Variants in SUMF1 observed in about 807,000 individuals in gnomAD.
The protein encoded by SUMF1 is sulfatase modifying factor 1.
In SUMF1, 48 loss-of-function variants were observed where a neutral mutation model predicts 47.6. The ratio of observed to expected loss-of-function variants is 1.01; its 90% confidence interval spans 0.80 to 1.28. The LOEUF is 1.28. Among genes scored for constraint, SUMF1 ranks in the 50% most tolerant of loss-of-function variants. SUMF1 has a pLI of 0.00. For missense variants in SUMF1, 571 were observed against 485.4 expected, an observed-to-expected ratio of 1.18 and a Z score of -1.66; for synonymous variants, 230 against 192.1, an observed-to-expected ratio of 1.20 and a Z score of -1.63.
At chr3:4,224,689 T>C (rs1205094426) in intron 8 of SUMF1, among the ~76,000 whole-genome samples, 1 of 151,572 alleles carries the variant, frequency 6.6e-6, no homozygotes, top group African/African-American at 2.4e-5. Context: ...CAAGACCACA[T>C]GGGGCCAATC....
intron 8 of SUMF1, among the ~76,000 whole-genome samples, chr3:4,355,211 C>T (rs1047996848): frequency 6.6e-6 from 1 of 152,126 alleles, no homozygotes; most frequent in Non-Finnish European, 1.5e-5. Flanking sequence ...AAAAAACTAG[C>T]TGGGCATGGT....
chr3:4,399,392 C>G (rs1164347648), intron 7 of SUMF1, among the ~76,000 whole-genome samples: 1 of 152,132 alleles, frequency 6.6e-6, no homozygotes, highest in Admixed American at 6.5e-5. Context: ...TCTTCCCCCC[C>G]AAACCATTTG....
At chr3:4,329,310 A>T (rs1699004185) in intron 8 of SUMF1, among the ~76,000 whole-genome samples, 1 of 152,192 alleles carries the variant, frequency 6.6e-6, no homozygotes, top group Non-Finnish European at 1.5e-5. Context: ...GCCTTATCAG[A>T]GGTTCTCCAT....
chr3:4,397,641 C>G (rs1310904207), intron 7 of SUMF1, among the ~76,000 whole-genome samples: 1 of 152,010 alleles, frequency 6.6e-6, no homozygotes, highest in Non-Finnish European at 1.5e-5. Context: ...TGCTAAGTGC[C>G]CAATTCTGTA....
intron 7 of SUMF1, among the ~76,000 whole-genome samples, chr3:4,402,758 G>A (rs187916012): frequency 1.1e-3 from 175 of 152,298 alleles, no homozygotes; most frequent in Non-Finnish European, 1.9e-3. Context: ...ATGGAGAGTT[G>A]AGATAGGCAT....
intron 8 of SUMF1, among the ~76,000 whole-genome samples, chr3:4,339,681 C>T (rs1284863222): frequency 6.6e-6 from 1 of 152,208 alleles, no homozygotes; most frequent in Non-Finnish European, 1.5e-5. Context: ...TAGATGAATA[C>T]ATCTTTCAGT....
rs564690027 is a variant in SUMF1 at position 4,437,803 on chromosome 3, G to C, written c.519+11463C>G. Among the ~76,000 whole-genome samples, 153 of 152,086 alleles carry C rather than the reference G, an allele frequency of 1.0e-3. 1 individual carries two copies. Among genetic ancestry groups the C allele is most frequent in the Non-Finnish European group, 2.0e-3 (135 of 68,016 alleles). ...AAAATACAAAAATTAGCTGGGCGTG[G>C]TGGTGCACTCCTGTAATTCTAGCTA... On this transcript the variant is annotated intron_variant, in intron 3 of 8. Transcript: ENST00000272902.
chr3:4,361,628 C>G lies in SUMF1; in HGVS notation c.*516G>C, dbSNP rs1699760092. 5.9e-6 allele frequency: 1 copy of G among 168,158 alleles called. No homozygotes were observed. The highest frequency in any genetic ancestry group is 1.3e-5 in the Non-Finnish European group (1 of 76,488). The allele number at this position is 168,158 out of a possible 1,614,324, so 10.4% of individuals were successfully genotyped here. A position where few individuals can be genotyped will look rare whatever the true frequency, so the allele number is the denominator to read the frequency against. On this transcript the variant is annotated 3_prime_UTR_variant, in exon 9 of 9. Transcript: ENST00000272902. ...AACTCTTACTTTACATGATTAGTATCACTCAAGGTTCACACATGGAAAAAA... is the reference window on the plus strand; with the variant it reads ...AACTCTTACTTTACATGATTAGTATGACTCAAGGTTCACACATGGAAAAAA...
intron 8 of SUMF1, among the ~76,000 whole-genome samples, chr3:4,248,865 C>G (rs1259050061): frequency 6.6e-6 from 1 of 152,172 alleles, no homozygotes; most frequent in Non-Finnish European, 1.5e-5. Flanking sequence ...ACCGGACATT[C>G]CCACCTACCC....
At position 4,453,062 on chromosome 3, in the gene SUMF1, G is replaced by C; in HGVS notation, c.271-13C>G. ...GGATGGGGACCATCTACAATGAAAG[G>C]TGAAACACAGGAAGTCATGCATCAC... On this transcript the variant is annotated splice_polypyrimidine_tract_variant and intron_variant, in intron 1 of 8. Coordinates refer to ENST00000272902, the MANE Select transcript of SUMF1 (RefSeq NM_182760.4). 1 of 1,608,912 alleles carries C rather than the reference G, an allele frequency of 6.2e-7. No individual in the cohort carries two copies. Among genetic ancestry groups the C allele is most frequent in the South Asian group, 1.1e-5 (1 of 90,718 alleles).
chr3:4,153,522 G>GTT (rs66765266), intron 8 of SUMF1, among the ~76,000 whole-genome samples: 37,227 of 145,266 alleles, frequency 0.26, 5,582 homozygotes, highest in East Asian at 0.4. Context: ...CGCCTTGTAG[G>GTT]TTTTTTTTTT....
chr3:4,096,802 C>T (rs915958493), intron 8 of SUMF1, among the ~76,000 whole-genome samples: 1 of 152,024 alleles, frequency 6.6e-6, no homozygotes, highest in South Asian at 2.1e-4. Context: ...TGGGCTGGGT[C>T]GGAACCAGGG....
intron 8 of SUMF1, among the ~76,000 whole-genome samples, chr3:4,172,837 C>G (rs1260925566): frequency 6.6e-6 from 1 of 152,000 alleles, no homozygotes; most frequent in African/African-American, 2.4e-5. Flanking sequence ...GATGTTTCTT[C>G]TGCTGTGCTC....
intron 8 of SUMF1, among the ~76,000 whole-genome samples, chr3:4,325,721 TA>T (rs1355522435): frequency 1.3e-5 from 2 of 152,156 alleles, no homozygotes; most frequent in African/African-American, 4.8e-5. Flanking sequence ...TTTTAGTTTC[TA>T]GTGATTCCAA....
intron 8 of SUMF1, among the ~76,000 whole-genome samples, chr3:4,201,320 A>G (rs778577969): frequency 6.6e-6 from 1 of 151,962 alleles, no homozygotes; most frequent in Non-Finnish European, 1.5e-5. Context: ...GGTAACCATC[A>G]TTCTACTACT....
intron 8 of SUMF1, among the ~76,000 whole-genome samples, chr3:4,127,581 G>A (rs895107192): frequency 5.9e-5 from 9 of 152,124 alleles, no homozygotes; most frequent in Non-Finnish European, 1.2e-4. Flanking sequence ...AAGTTCTTCA[G>A]TTTTGGCGCT....
downstream of SUMF1, among the ~76,000 whole-genome samples, chr3:4,356,512 C>A (rs369341831): frequency 3.6e-4 from 55 of 152,082 alleles, no homozygotes; most frequent in Non-Finnish European, 5.3e-4. Context: ...CCCTTTCTTA[C>A]ATTTATACAT....
intron 8 of SUMF1, among the ~76,000 whole-genome samples, chr3:4,270,315 CAG>C (rs1269727961): frequency 6.6e-6 from 1 of 152,070 alleles, no homozygotes; most frequent in Non-Finnish European, 1.5e-5. Context: ...AGAAAACAAA[CAG>C]GGAGATCAAG....
intron 8 of SUMF1, among the ~76,000 whole-genome samples, chr3:4,112,072 G>GT (rs1323087962): frequency 6.6e-6 from 1 of 151,984 alleles, no homozygotes; most frequent in African/African-American, 2.4e-5. Context: ...CCCTCATTTT[G>GT]TTTTTTTATT....
Sources: allele counts gnomAD v4.1 joint callset (sites outside exome capture counted in the v4.1 genomes callset), GRCh38; gene constraint gnomAD v4.1.1; transcripts MANE v1.5; gene names NCBI Gene and HGNC (gene_info 2026-07-23, HGNC 2026-07-21).